POU2F1: variants seen among roughly 807,000 people sequenced by gnomAD.
POU2F1 encodes the protein POU domain, class 2, transcription factor 1.
In POU2F1, 16 loss-of-function variants were observed where a neutral mutation model predicts 84.9. The ratio of observed to expected loss-of-function variants is 0.19; its 90% confidence interval spans 0.13 to 0.29. The LOEUF (loss-of-function observed/expected upper bound fraction) is 0.29. POU2F1 is among the 10% of genes least tolerant of loss of function. POU2F1 has a pLI of 1.00. For missense variants in POU2F1, 738 were observed against 942.6 expected (o/e 0.78, Z 2.84); for synonymous variants, 368 against 368.3 (o/e 1.00, Z 0.01).
At chr1:167,273,103 A>T (rs1652486405) in intron 1 of POU2F1, among the ~76,000 whole-genome samples, 1 of 152,232 alleles carries the variant, frequency 6.6e-6, no homozygotes, top group South Asian at 2.1e-4. Context: ...CAGGGCAGTC[A>T]TTAAATCTTA....
chr1:167,221,011 G>C (rs1648069665), intron 1 of POU2F1, 53 bp downstream of exon 1: 1 of 1,425,258 alleles, frequency 7.0e-7, no homozygotes, highest in Admixed American at 2.0e-5. Context: ...CCCGGCTCCC[G>C]CTGCCCCCCC....
intron 2 of POU2F1, among the ~76,000 whole-genome samples, chr1:167,350,922 C>T (rs925977653): frequency 2.1e-4 from 31 of 149,568 alleles, no homozygotes; most frequent in Admixed American, 8.6e-4. Context: ...CGCTTGAACC[C>T]GGGAGGCCAA....
In POU2F1 at chr1:167,401,463, C is replaced by G; in HGVS notation, c.1462C>G (p.Pro488Ala). The G allele has an allele frequency of 3.7e-6, 6 of 1,612,248 alleles. No individual in the cohort carries two copies. Among genetic ancestry groups the G allele is most frequent in the Non-Finnish European group, 4.2e-6 (5 of 1,179,118 alleles). ...TTCTGACCTCAAGGTGGCGACCACA[C>G]CAAGCCTTGTGACTAGCAGTGCAGC... ...PSPTSLVATT[P>A]SLVTSSAATT... The change falls in exon 13 of 16, where the codon CCA becomes GCA. Residue 488 changes from proline (P) to alanine (A), a missense_variant. Pro to Ala is a conservative substitution (Grantham distance 27). Transcript: ENST00000367866.
intron 2 of POU2F1, among the ~76,000 whole-genome samples, chr1:167,340,037 C>T (rs1477116264): frequency 6.6e-6 from 1 of 152,158 alleles, no homozygotes; most frequent in Non-Finnish European, 1.5e-5. Flanking sequence ...CAGAGAGGTT[C>T]AGTCACTTGA....
chr1:167,225,879 C>T (rs1293578413), intron 1 of POU2F1, among the ~76,000 whole-genome samples: 1 of 152,104 alleles, frequency 6.6e-6, no homozygotes, highest in Non-Finnish European at 1.5e-5. Flanking sequence ...GCATATTAGT[C>T]TTTCAAGCAC....
chr1:167,358,620 A>G (rs950279700), intron 2 of POU2F1, among the ~76,000 whole-genome samples: 17 of 151,540 alleles, frequency 1.1e-4, no homozygotes, highest in African/African-American at 4.1e-4. Flanking sequence ...CAGTCTTGAT[A>G]AATTATATTT....
chr1:167,232,937 T>C (rs1039228605), intron 1 of POU2F1, among the ~76,000 whole-genome samples: 1 of 151,910 alleles, frequency 6.6e-6, no homozygotes, highest in Non-Finnish European at 1.5e-5. Context: ...AAGTATATGG[T>C]GTTTTTAAAG....
At chr1:167,340,431 C>CTTTTTTTTTTTTT in intron 2 of POU2F1, among the ~76,000 whole-genome samples, 1 of 122,324 alleles carries the variant, frequency 8.2e-6, no homozygotes, top group Non-Finnish European at 1.7e-5. Flanking sequence ...TTCTTTTTTT[C>CTTTTTTTTTTTTT]TTTTTTTTTT....
intron 13 of POU2F1, among the ~76,000 whole-genome samples, chr1:167,406,065 G>GAA (rs36054165): frequency 2.0e-5 from 3 of 151,262 alleles, no homozygotes; most frequent in Admixed American, 6.6e-5. Context: ...AATAGCACAA[G>GAA]AAAAAAAAAT....
At position 167,256,056 on chromosome 1, in the gene POU2F1, G is replaced by A. The variant is rs566868370; in HGVS notation, c.61+35098G>A. ...TTGTGTTCCCCTAGTTACATGGTTGGTTCAAGGTGGGCACATTACTCTAGT... is the reference window on the plus strand; with the variant it reads ...TTGTGTTCCCCTAGTTACATGGTTGATTCAAGGTGGGCACATTACTCTAGT... On this transcript the variant is annotated intron_variant, in intron 1 of 15. Transcript: ENST00000367866. Among the ~76,000 whole-genome samples the A allele has an allele frequency of 1.1e-4, 17 of 152,242 alleles. No homozygotes were observed. In the South Asian group the frequency reaches 3.5e-3, roughly 32 times the overall value.
intron 1 of POU2F1, among the ~76,000 whole-genome samples, chr1:167,228,494 A>G (rs569069940): frequency 6.6e-6 from 1 of 152,254 alleles, no homozygotes; most frequent in African/African-American, 2.4e-5. Context: ...ATTACATTAC[A>G]TGGAATAAGG....
rs113014888 is a variant in POU2F1 at position 167,405,378 on chromosome 1, T to TA, written c.1555+3835dup. On this transcript the variant is annotated intron_variant, in intron 13 of 15. Transcript: ENST00000367866. The stretch of plus-strand genomic sequence containing the variant: ...GACATAGTATTTATTTGAGCCACGT[T>TA]AAAAAAAAAAAAATTCAGGCCATGT... Among the ~76,000 whole-genome samples the TA allele has an allele frequency of 5.0e-3, 730 of 145,658 alleles. 3 individuals carry two copies. Among genetic ancestry groups the TA allele is most frequent in the African/African-American group, 0.015 (612 of 40,016 alleles).
chr1:167,314,213 A>AAAG (rs148578519), intron 1 of POU2F1, among the ~76,000 whole-genome samples: 2 of 150,628 alleles, frequency 1.3e-5, no homozygotes, highest in Non-Finnish European at 2.9e-5. Context: ...AAAAAAAAAA[A>AAAG]CAAAACTTCA....
chr1:167,324,129 T>C (rs1011998946), intron 1 of POU2F1, among the ~76,000 whole-genome samples: 2 of 152,198 alleles, frequency 1.3e-5, no homozygotes, highest in African/African-American at 4.8e-5. Context: ...GAATTAGATG[T>C]GTGCAAGAGA....
rs957842814 is a variant in POU2F1, at chr1:167,253,390, A to C, written c.61+32432A>C. ...TTTATTTTTCTGCCCCCCCCCCCCC[A>C]AACACACAGGAGAGTGGAACTTGGG... On this transcript the variant is annotated intron_variant, in intron 1 of 15. Transcript: ENST00000367866. Among the ~76,000 whole-genome samples the C allele has an allele frequency of 2.2e-3, 192 of 87,156 alleles. 2 individuals carry two copies. Among genetic ancestry groups the C allele is most frequent in the African/African-American group, 0.01 (144 of 13,808 alleles). The allele number at this position is 87,156 out of a possible 152,430, so 57.2% of individuals were successfully genotyped here. A position where few individuals can be genotyped will look rare whatever the true frequency, so the allele number is the denominator to read the frequency against.
chr1:167,251,651 T>C (rs917209791), intron 1 of POU2F1, among the ~76,000 whole-genome samples: 1 of 152,112 alleles, frequency 6.6e-6, no homozygotes, highest in Non-Finnish European at 1.5e-5. Context: ...GGCTCATACT[T>C]CTTGGAACTT....
At chr1:167,303,230 C>T (rs919380906) in intron 1 of POU2F1, among the ~76,000 whole-genome samples, 64 of 151,914 alleles carry the variant, frequency 4.2e-4, no homozygotes, top group African/African-American at 1.3e-3. Flanking sequence ...TAGCACCATA[C>T]GACACATATT....
chr1:167,306,970 C>G (rs1472942091), intron 1 of POU2F1, among the ~76,000 whole-genome samples: 1 of 152,088 alleles, frequency 6.6e-6, no homozygotes, highest in East Asian at 1.9e-4. Flanking sequence ...AATAGTGTCT[C>G]GTAAGTAGGA....
At chr1:167,361,853 T>C (rs148877763) in intron 2 of POU2F1, among the ~76,000 whole-genome samples, 37 of 152,318 alleles carry the variant, frequency 2.4e-4, no homozygotes, top group Admixed American at 2.0e-3. Flanking sequence ...TTACTCATTA[T>C]TGATCTGTTC....
Sources: gnomAD v4.1 joint callset for allele counts (sites outside exome capture counted in the v4.1 genomes callset) on GRCh38, gnomAD v4.1.1 for gene constraint, MANE v1.5 for transcripts, NCBI Gene and HGNC (gene_info 2026-07-23, HGNC 2026-07-21) for gene names.